LSG1: variants seen among roughly 807,000 people sequenced by gnomAD.
LSG1 encodes large 60S subunit nuclear export GTPase 1, also known as large subunit GTPase 1 homolog.
LSG1 carries 55 observed loss-of-function variants against 82.6 expected under a neutral mutation model. The observed-to-expected ratio is 0.67, with a 90% confidence interval of 0.54 to 0.83. The LOEUF (loss-of-function observed/expected upper bound fraction) is 0.83. LSG1 is among the 40% of genes least tolerant of loss of function. The pLI is 0.00. For missense variants in LSG1, 809 were observed against 807.9 expected, an observed-to-expected ratio of 1.00 and a Z score of -0.02; for synonymous variants, 272 against 282.5, an observed-to-expected ratio of 0.96 and a Z score of 0.37.
At chr3:194,664,964 C>T (rs1719002739) in intron 5 of LSG1, among the ~76,000 whole-genome samples, 1 of 151,914 alleles carries the variant, frequency 6.6e-6, no homozygotes, top group Non-Finnish European at 1.5e-5. Context: ...ACATAAAAAC[C>T]ACCCCGTGAT....
At chr3:194,672,028 CAGAAAAGATA>C (rs1560231480) in intron 1 of LSG1, 26 bp downstream of exon 1, 1 of 1,587,950 alleles carries the variant, frequency 6.3e-7, no homozygotes, top group Admixed American at 1.7e-5. Context: ...TCAGGCTAGA[CAGAAAAGATA>C]AGAAAGATGA....
chr3:194,658,499 T>C (rs1011819747), intron 7 of LSG1, among the ~76,000 whole-genome samples: 4 of 152,208 alleles, frequency 2.6e-5, no homozygotes, highest in Admixed American at 6.5e-5. Context: ...AAACTACTTT[T>C]GCAAAATTTG....
intron 11 of LSG1, among the ~76,000 whole-genome samples, chr3:194,648,397 T>C (rs1718598525): frequency 6.6e-6 from 1 of 152,054 alleles, no homozygotes; most frequent in South Asian, 2.1e-4. Flanking sequence ...GCTTTCTTCT[T>C]GTTTGGGAGA....
At chr3:194,648,849 C>T (rs769356847) in intron 10 of LSG1, 45 bp from the exon 11 acceptor site, 6 of 1,609,444 alleles carry the variant, frequency 3.7e-6, no homozygotes, top group East Asian at 4.5e-5. Context: ...CTCCCTCCTC[C>T]CCATGGCATA....
At chr3:194,671,742 T>C (rs1267537245) in intron 1 of LSG1, 1 of 375,822 alleles carries the variant, frequency 2.7e-6, no homozygotes, top group Non-Finnish European at 4.8e-6. Context: ...GTTTTGTCTT[T>C]TTCCTGCTCT....
intron 13 of LSG1, among the ~76,000 whole-genome samples, chr3:194,644,080 C>T (rs557053213): frequency 9.9e-5 from 15 of 152,110 alleles, no homozygotes; most frequent in African/African-American, 2.9e-4. Flanking sequence ...AATAAGGTTT[C>T]GGCCGGGCGC....
chr3:194,648,347 C>T (rs1448495189), intron 11 of LSG1, among the ~76,000 whole-genome samples: 1 of 152,118 alleles, frequency 6.6e-6, no homozygotes, highest in Non-Finnish European at 1.5e-5. Context: ...AACTCTCCTG[C>T]CTCGCTGTGG....
intron 13 of LSG1, among the ~76,000 whole-genome samples, chr3:194,643,775 GCCA>G (rs1718448731): frequency 6.6e-6 from 1 of 152,114 alleles, no homozygotes; most frequent in Non-Finnish European, 1.5e-5. Flanking sequence ...ATTCATAGTA[GCCA>G]AAAAGTGGAA....
intron 12 of LSG1, among the ~76,000 whole-genome samples, chr3:194,645,865 A>G: frequency 6.6e-6 from 1 of 152,246 alleles, no homozygotes; most frequent in Admixed American, 6.5e-5. Context: ...GCATATAAAC[A>G]GCTATACTAC....
Position 194,648,537 on chromosome 3 carries a change from G to A in LSG1, c.1543+144C>T, listed in dbSNP as rs551706643. ...CTTTGTAGGCAAGGCCCACAGAGAC[G>A]AAAGATGGCTTGAAAAATGCTGAAG... is the stretch of plus-strand genomic sequence containing the variant. On this transcript the variant is annotated intron_variant, in intron 11 of 13. Coordinates refer to ENST00000265245, the MANE Select transcript of LSG1 (RefSeq NM_018385.3). The A allele has an allele frequency of 1.4e-4, 143 of 1,012,228 alleles. 1 individual carries two copies. The East Asian group carries it at 2.9e-3, about 20-fold the overall frequency. The allele number at this position is 1,012,228 out of a possible 1,614,324, so 62.7% of individuals were successfully genotyped here. A position where few individuals can be genotyped will look rare whatever the true frequency, so the allele number is the denominator to read the frequency against.
chr3:194,660,025 A>G lies in LSG1; in HGVS notation c.582+48T>C, dbSNP rs566274061. The G allele has an allele frequency of 4.1e-6, 6 of 1,474,278 alleles. No individual in the cohort carries two copies. In the African/African-American group the frequency reaches 5.5e-5, roughly 14 times the overall value. The allele number at this position is 1,474,278 out of a possible 1,614,324, so 91.3% of individuals were successfully genotyped here. On this transcript the variant is annotated intron_variant, in intron 6 of 13. Coordinates refer to ENST00000265245, the MANE Select transcript of LSG1 (RefSeq NM_018385.3). ...CATTGCTGAGGGATGCGGTGCTGGC[A>G]CTGCTACTCAAAGGACTGATGTTTG...
intron 5 of LSG1, among the ~76,000 whole-genome samples, chr3:194,665,283 C>A (rs923215280): frequency 6.6e-6 from 1 of 152,148 alleles, no homozygotes; most frequent in African/African-American, 2.4e-5. Flanking sequence ...CCAGTAGAAA[C>A]CAAATATACA....
rs541068829 is a variant in LSG1 at position 194,643,299 on chromosome 3, G to A, written c.1798-1052C>T. On this transcript the variant is annotated intron_variant, in intron 13 of 13. Coordinates refer to ENST00000265245, the MANE Select transcript of LSG1 (RefSeq NM_018385.3). Reference sequence around the variant, plus strand: ...CTATCACCAAATGTGTTGGCTCAGAGAAAAGACAACTGACTAAATGGGTGC... The same window carrying A: ...CTATCACCAAATGTGTTGGCTCAGAAAAAAGACAACTGACTAAATGGGTGC... Among the ~76,000 whole-genome samples, 70 of 152,316 alleles carry A rather than the reference G, an allele frequency of 4.6e-4. No individual in the cohort carries two copies. The South Asian group carries it at 0.014, about 32-fold the overall frequency.
chr3:194,659,128 A>G lies in LSG1; in HGVS notation c.588T>C (p.Cys196=). 1 of 1,612,602 alleles carries G rather than the reference A, an allele frequency of 6.2e-7. No homozygotes were observed. Among genetic ancestry groups the G allele is most frequent in the Non-Finnish European group, 8.5e-7 (1 of 1,178,854 alleles). ...PLLFRCEDLE[C]YVKEMDANKE... ...TATTGGCATCCATTTCTTTCACATA[A>G]CATTCCTAAGCAAGACAAAGAGATT... Residue 196 remains cysteine (C), a synonymous_variant, in exon 7 of 14, where the codon TGT becomes TGC. Coordinates refer to ENST00000265245, the MANE Select transcript of LSG1 (RefSeq NM_018385.3).
At position 194,660,137 on chromosome 3, in the gene LSG1, A is replaced by G; in HGVS notation, c.522-4T>C. 1 of 1,612,984 alleles carries G rather than the reference A, an allele frequency of 6.2e-7. No individual in the cohort carries two copies. The highest frequency in any genetic ancestry group is 8.5e-7 in the Non-Finnish European group (1 of 1,178,928). Reference sequence around the variant, plus strand: ...TACTATCTGGACCACAATATCACTGAAAAACAAACACGAGATAGACCAATC... The same window carrying G: ...TACTATCTGGACCACAATATCACTGGAAAACAAACACGAGATAGACCAATC... On this transcript the variant is annotated splice_polypyrimidine_tract_variant and splice_region_variant and intron_variant, in intron 5 of 13. Coordinates refer to ENST00000265245, the MANE Select transcript of LSG1 (RefSeq NM_018385.3).
chr3:194,666,559 AATATT>A lies in LSG1; in HGVS notation c.235_239del (p.Asn79Ter). The A allele has an allele frequency of 6.2e-7, 1 of 1,611,646 alleles. No homozygotes were observed. Among genetic ancestry groups the A allele is most frequent in the Non-Finnish European group, 8.5e-7 (1 of 1,178,556 alleles). On this transcript the variant is annotated frameshift_variant, in exon 3 of 14. Coordinates refer to ENST00000265245, the MANE Select transcript of LSG1 (RefSeq NM_018385.3). LOFTEE classifies it high-confidence loss of function. The stretch of plus-strand genomic sequence containing the variant: ...TTCTAGCCTCAGCAGGCACAAACTT[AATATT>A]AAGTTTCTCTGTTCAAATAAAGAAA...
At chr3:194,658,690 A>C (rs1264033004) in intron 7 of LSG1, among the ~76,000 whole-genome samples, 1 of 152,102 alleles carries the variant, frequency 6.6e-6, no homozygotes, top group African/African-American at 2.4e-5. Context: ...CTTCCTATAC[A>C]ATTTCCTGTC....
intron 5 of LSG1, 78 bp from the exon 6 acceptor site, chr3:194,660,211 A>T: frequency 2.7e-6 from 3 of 1,127,720 alleles, no homozygotes; most frequent in Non-Finnish European, 4.1e-6. Context: ...TGGCCAGAGT[A>T]GCAAACCCTG....
Position 194,648,794 on chromosome 3 carries a change from T to C in LSG1, c.1430A>G (p.Asn477Ser). ...HVPPVSLVCQNIPRHVLEATY... is the reference protein window; with the variant it reads ...HVPPVSLVCQSIPRHVLEATY... ...AGCTTCTAAAACATGTCTTGGAATA[T>C]TCTGGCAAACGTAGCTTGTCAGGGA... Residue 477 changes from asparagine (N) to serine (S), a missense_variant, in exon 11 of 14, where the codon AAT becomes AGT. Coordinates refer to ENST00000265245, the MANE Select transcript of LSG1 (RefSeq NM_018385.3). The C allele has an allele frequency of 6.2e-7, 1 of 1,613,956 alleles. No homozygotes were observed. The highest frequency in any genetic ancestry group is 8.5e-7 in the Non-Finnish European group (1 of 1,179,922).
Sources: allele counts gnomAD v4.1 joint callset (sites outside exome capture counted in the v4.1 genomes callset), GRCh38; gene constraint gnomAD v4.1.1; transcripts MANE v1.5; gene names NCBI Gene and HGNC (gene_info 2026-07-23, HGNC 2026-07-21).